The following FBXO11 variants were observed in gnomAD, a reference collection of about 807,000 sequenced individuals.
FBXO11 encodes the protein F-box only protein 11.
FBXO11 carries 13 observed loss-of-function variants against 117.0 expected under a neutral mutation model. The ratio of observed to expected loss-of-function variants is 0.11; its 90% CI spans 0.07 to 0.18. The LOEUF is 0.18. Among genes scored for constraint, FBXO11 ranks in the 10% least tolerant of loss-of-function variants. The probability of loss-of-function intolerance (pLI) is 1.00; values close to 1 mark genes in which losing one functional copy is unlikely to be tolerated. For missense variants in FBXO11, 767 were observed against 1,164.4 expected, an observed-to-expected ratio of 0.66 and a Z score of 4.97; for synonymous variants, 490 against 380.5, an observed-to-expected ratio of 1.29 and a Z score of -3.35.
At chr2:47,809,294 A>T in intron 20 of FBXO11, 28 bp from the exon 21 acceptor site, 1 of 1,366,974 alleles carries the variant, frequency 7.3e-7, no homozygotes, top group Non-Finnish European at 1.0e-6. Flanking sequence ...ATAAGTAAAA[A>T]TTCAGAGGAA....
At position 47,905,730 on chromosome 2, in the gene FBXO11, T is replaced by C; in HGVS notation, c.-10A>G. ...CTCGGACGGAGTTCATTTGCCGGGC[T>C]GAGGTGGCGGCGTTGGCGGAGGGAC... On this transcript the variant is annotated 5_prime_UTR_variant, in exon 1 of 23. Transcript: ENST00000403359. 1 of 1,510,088 alleles carries C rather than the reference T, an allele frequency of 6.6e-7. No individual in the cohort carries two copies. Among genetic ancestry groups the C allele is most frequent in the East Asian group, 2.7e-5 (1 of 36,804 alleles). 93.5% of individuals were successfully genotyped at this position (1,510,088 alleles called of 1,614,324 possible). A position where few individuals can be genotyped will look rare whatever the true frequency, so the allele number is the denominator to read the frequency against.
intron 1 of FBXO11, among the ~76,000 whole-genome samples, chr2:47,845,102 C>G (rs1484725668): frequency 6.6e-6 from 1 of 152,164 alleles, no homozygotes; most frequent in African/African-American, 2.4e-5. Context: ...CTTTCCTCAC[C>G]TTCACCTTCT....
At chr2:47,878,860 T>C (rs2103886201) in intron 1 of FBXO11, among the ~76,000 whole-genome samples, 1 of 152,004 alleles carries the variant, frequency 6.6e-6, no homozygotes. Context: ...ATGCCTGTAA[T>C]CCCGGCTACT....
intron 4 of FBXO11, among the ~76,000 whole-genome samples, chr2:47,837,806 C>T (rs1386858398): frequency 2.6e-5 from 4 of 152,152 alleles, no homozygotes; most frequent in African/African-American, 9.6e-5. Flanking sequence ...TCACGGCTTT[C>T]TGCAGCCTTG....
At chr2:47,901,619 G>C (rs182128906) in intron 1 of FBXO11, among the ~76,000 whole-genome samples, 39 of 151,988 alleles carry the variant, frequency 2.6e-4, no homozygotes, top group African/African-American at 8.2e-4. Flanking sequence ...TTTATTTTTT[G>C]AGATGGAGTC....
intron 1 of FBXO11, among the ~76,000 whole-genome samples, chr2:47,844,789 AC>A (rs1162337594): frequency 1.3e-5 from 2 of 152,008 alleles, no homozygotes; most frequent in Non-Finnish European, 2.9e-5. Context: ...TGTGCACGCC[AC>A]CATGCCTGGC....
Position 47,809,276 on chromosome 2 carries a change from AAG to A in FBXO11, c.2447-12_2447-11del, listed in dbSNP as rs756133938. 7 of 1,463,390 alleles carry A rather than the reference AAG, an allele frequency of 4.8e-6. No individual in the cohort carries two copies. The highest frequency in any genetic ancestry group is 1.4e-5 in the African/African-American group (1 of 70,312). 90.7% of individuals were successfully genotyped at this position (1,463,390 alleles called of 1,614,324 possible). A position where few individuals can be genotyped will look rare whatever the true frequency, so the allele number is the denominator to read the frequency against. On this transcript the variant is annotated splice_polypyrimidine_tract_variant and intron_variant, in intron 20 of 22. Coordinates refer to ENST00000403359, the MANE Select transcript of FBXO11 (RefSeq NM_001190274.2). ...TTCATTATTTTGTTATCTGTAATAA[AAG>A]AAAGAATAAGTAAAAATTCAGAGGA...
chr2:47,832,522 CTT>C, intron 10 of FBXO11, 36 bp from the exon 11 acceptor site: 1 of 1,608,520 alleles, frequency 6.2e-7, no homozygotes, highest in Non-Finnish European at 8.5e-7. Flanking sequence ...ATCAGTAGAG[CTT>C]TTAAACATTT....
At chr2:47,891,764 G>C (rs1041860577) in intron 1 of FBXO11, among the ~76,000 whole-genome samples, 1 of 151,904 alleles carries the variant, frequency 6.6e-6, no homozygotes, top group Non-Finnish European at 1.5e-5. Context: ...CAATTTCTAC[G>C]TATCTTCACC....
At chr2:47,887,506 T>C (rs1676950770) in intron 1 of FBXO11, among the ~76,000 whole-genome samples, 2 of 151,730 alleles carry the variant, frequency 1.3e-5, no homozygotes, top group African/African-American at 2.4e-5. Context: ...GGTGGGAGGA[T>C]CGCTTAAGGT....
Position 47,855,206 on chromosome 2 carries a change from T to G in FBXO11, c.233-15437A>C, listed in dbSNP as rs181538487. Reference sequence around the variant, plus strand: ...TGACAGACTAGGTAGACTCATTTTTTTTTTTTGTTTTTGAGACAGGGTCTC... The same window carrying G: ...TGACAGACTAGGTAGACTCATTTTTGTTTTTTGTTTTTGAGACAGGGTCTC... On this transcript the variant is annotated intron_variant, in intron 1 of 22. Transcript: ENST00000403359. Among the ~76,000 whole-genome samples the G allele has an allele frequency of 4.8e-4, 73 of 152,184 alleles. 1 individual carries two copies. The highest frequency in any genetic ancestry group is 1.7e-3 in the African/African-American group (69 of 41,496).
Position 47,821,558 on chromosome 2 carries a change from C to T in FBXO11, c.1702+660G>A, listed in dbSNP as rs894706965. The stretch of plus-strand genomic sequence containing the variant: ...CTGGGAGGTGGAGCTTGCAGTGAGC[C>T]GAGATTGCGCCACTGCACTCCAGCC... On this transcript the variant is annotated intron_variant, in intron 13 of 22. Transcript: ENST00000403359. 1.8e-4 allele frequency among the ~76,000 whole-genome samples: 27 copies of T among 150,382 alleles called. 1 individual carries two copies. Among genetic ancestry groups the T allele is most frequent in the African/African-American group, 5.4e-4 (22 of 40,846 alleles).
At position 47,905,779 on chromosome 2, in the gene FBXO11, G is replaced by C; in HGVS notation, c.-59C>G. 4.9e-6 allele frequency: 7 copies of C among 1,429,954 alleles called. No homozygotes were observed. Among genetic ancestry groups the C allele is most frequent in the Non-Finnish European group, 5.5e-6 (6 of 1,083,562 alleles). The allele number at this position is 1,429,954 out of a possible 1,614,324, so 88.6% of individuals were successfully genotyped here. On this transcript the variant is annotated 5_prime_UTR_variant, in exon 1 of 23. Transcript: ENST00000403359. ...ACACACACACGCACACGCACAGCGA[G>C]CTTCGGGGCAGGAGAAAGGGGTGGG...
chr2:47,863,222 G>A (rs1249689785), intron 1 of FBXO11, among the ~76,000 whole-genome samples: 2 of 152,084 alleles, frequency 1.3e-5, no homozygotes, highest in African/African-American at 2.4e-5. Context: ...GTAGTCTCAA[G>A]TTAAAAATGC....
intron 4 of FBXO11, chr2:47,837,036 C>A: frequency 4.2e-6 from 1 of 237,902 alleles, no homozygotes; most frequent in South Asian, 3.9e-5. Context: ...CTTCGCCTAG[C>A]CTAAAAAGAT....
In FBXO11 at chr2:47,839,725, C is replaced by T. The variant is rs1418608742; in HGVS notation, c.277G>A (p.Gly93Ser). The stretch of plus-strand genomic sequence containing the variant: ...AGTTGGTATGGACTATTTTGTGCAC[C>T]AGGACCTGATTCTTCTGCAACCATA... ...ADMVAEESGP[G>S]AQNSPYQLRR... is the part of the protein sequence containing the mutation. The change falls in exon 2 of 23, where the codon GGT (glycine) becomes AGT (serine). Residue 93 changes from glycine to serine, a missense_variant. Gly to Ser is a moderately conservative substitution (Grantham distance 56). Around this residue, in one of 10 missense-constraint regions of FBXO11, gnomAD observed 355 missense variants for 299.8 expected, o/e 1.18. Coordinates refer to ENST00000403359, the MANE Select transcript of FBXO11 (RefSeq NM_001190274.2). The T allele has an allele frequency of 6.2e-7, 1 of 1,613,946 alleles. No homozygotes were observed. Among genetic ancestry groups the T allele is most frequent in the East Asian group, 2.2e-5 (1 of 44,868 alleles).
At chr2:47,862,971 C>T (rs528449471) in intron 1 of FBXO11, among the ~76,000 whole-genome samples, 1 of 150,950 alleles carries the variant, frequency 6.6e-6, no homozygotes, top group Non-Finnish European at 1.5e-5. Flanking sequence ...AGGAGAATCG[C>T]TTGAACCCCG....
chr2:47,903,028 T>C (rs1678417862), intron 1 of FBXO11, among the ~76,000 whole-genome samples: 1 of 152,192 alleles, frequency 6.6e-6, no homozygotes, highest in South Asian at 2.1e-4. Flanking sequence ...AAAATCCCTT[T>C]CTTTCCAAAC....
intron 1 of FBXO11, among the ~76,000 whole-genome samples, chr2:47,857,099 T>C (rs1674356254): frequency 6.6e-6 from 1 of 152,160 alleles, no homozygotes; most frequent in Admixed American, 6.5e-5. Context: ...AGTTCACCAC[T>C]CAGGATCTTT....
Sources: allele counts gnomAD v4.1 joint callset (sites outside exome capture counted in the v4.1 genomes callset), GRCh38; gene constraint gnomAD v4.1.1; regional missense constraint gnomAD v4.1.1; transcripts MANE v1.5; gene names NCBI Gene and HGNC (gene_info 2026-07-23, HGNC 2026-07-21).